The following MED27 variants were observed in gnomAD, a reference collection of about 807,000 sequenced individuals.
MED27 encodes mediator of RNA polymerase II transcription subunit 27.
A neutral mutation model predicts 38.2 loss-of-function variants in MED27; 30 were observed. That is an observed-to-expected ratio of 0.79 (90% CI 0.59 to 1.07). The LOEUF (loss-of-function observed/expected upper bound fraction) is 1.07. MED27 is among the 50% of genes least tolerant of loss of function. MED27 has a pLI of 0.00. For missense variants in MED27, 289 were observed against 397.5 expected (o/e 0.73, Z 2.32); for synonymous variants, 122 against 153.5 (o/e 0.79, Z 1.52).
At chr9:131,950,292 A>G (rs1490835103) in intron 3 of MED27, among the ~76,000 whole-genome samples, 1 of 152,230 alleles carries the variant, frequency 6.6e-6, no homozygotes, top group Non-Finnish European at 1.5e-5. Context: ...ACTGAGATGC[A>G]ACAATTCACA....
intron 3 of MED27, among the ~76,000 whole-genome samples, chr9:131,966,064 A>C (rs1029770495): frequency 2.0e-5 from 3 of 149,296 alleles, no homozygotes; most frequent in Admixed American, 6.7e-5. Flanking sequence ...GACGCCTAAG[A>C]ATAAAGACTG....
At chr9:131,947,787 A>G (rs1830912604) in intron 3 of MED27, among the ~76,000 whole-genome samples, 1 of 152,158 alleles carries the variant, frequency 6.6e-6, no homozygotes, top group Non-Finnish European at 1.5e-5. Context: ...TACCCCACAC[A>G]ATGTGTAAAA....
intron 4 of MED27, among the ~76,000 whole-genome samples, chr9:131,915,710 G>C (rs1830276639): frequency 6.6e-6 from 1 of 152,234 alleles, no homozygotes; most frequent in Admixed American, 6.5e-5. Flanking sequence ...TGGCACAGCT[G>C]TAAGCAATGC....
chr9:131,890,560 A>C (rs756709225), intron 5 of MED27, among the ~76,000 whole-genome samples: 1 of 152,030 alleles, frequency 6.6e-6, no homozygotes, highest in African/African-American at 2.4e-5. Flanking sequence ...CCCATTTCTC[A>C]TTTTTGATTC....
At chr9:131,890,083 A>G (rs1839203924) in intron 5 of MED27, among the ~76,000 whole-genome samples, 1 of 152,226 alleles carries the variant, frequency 6.6e-6, no homozygotes, top group Non-Finnish European at 1.5e-5. Flanking sequence ...ATTGTATATA[A>G]ATAAAGTACA....
intron 3 of MED27, among the ~76,000 whole-genome samples, chr9:131,966,734 G>C (rs183998667): frequency 1.1e-3 from 172 of 152,282 alleles, no homozygotes; most frequent in Middle Eastern, 6.8e-3. Context: ...TCAAGTCCTT[G>C]CTCTGGCAGG....
intron 3 of MED27, among the ~76,000 whole-genome samples, chr9:131,969,703 C>A (rs1831433839): frequency 6.6e-6 from 1 of 152,094 alleles, no homozygotes; most frequent in East Asian, 1.9e-4. Flanking sequence ...GCGCCACACA[C>A]AGAGCTCAGA....
chr9:131,971,072 G>A (rs572241180), intron 3 of MED27, among the ~76,000 whole-genome samples: 1 of 152,230 alleles, frequency 6.6e-6, no homozygotes, highest in South Asian at 2.1e-4. Flanking sequence ...CATTCCAGTA[G>A]CAACAACAAA....
chr9:131,949,759 G>C (rs944105378), intron 3 of MED27, among the ~76,000 whole-genome samples: 1 of 152,118 alleles, frequency 6.6e-6, no homozygotes, highest in African/African-American at 2.4e-5. Context: ...TGATGACTAA[G>C]GCAGTCTCTG....
chr9:131,888,141 C>T (rs747860355), intron 5 of MED27, among the ~76,000 whole-genome samples: 3 of 152,208 alleles, frequency 2.0e-5, no homozygotes, highest in Non-Finnish European at 4.4e-5. Context: ...ACCACCACCA[C>T]CTCCATCACA....
intron 3 of MED27, among the ~76,000 whole-genome samples, chr9:131,971,058 A>G (rs1184204444): frequency 6.6e-6 from 1 of 152,252 alleles, no homozygotes; most frequent in Non-Finnish European, 1.5e-5. Context: ...GATTTGCTTG[A>G]AAACATTCCA....
At chr9:131,921,726 G>A (rs1186323091) in intron 4 of MED27, among the ~76,000 whole-genome samples, 15 of 152,142 alleles carry the variant, frequency 9.9e-5, no homozygotes, top group Admixed American at 6.5e-4. Flanking sequence ...ACATGCACAC[G>A]TATGTTTACT....
intron 3 of MED27, among the ~76,000 whole-genome samples, chr9:131,956,538 C>G (rs1831105306): frequency 6.6e-6 from 1 of 151,640 alleles, no homozygotes; most frequent in South Asian, 2.1e-4. Context: ...ATTGCTTGAA[C>G]CCAGAAGGCA....
chr9:131,988,016 T>G (rs1242061781), intron 3 of MED27, among the ~76,000 whole-genome samples: 4 of 152,250 alleles, frequency 2.6e-5, no homozygotes, highest in African/African-American at 9.6e-5. Flanking sequence ...AGGACTGGTT[T>G]AGGCGATTTT....
chr9:131,938,955 C>T (rs544630531), intron 4 of MED27, among the ~76,000 whole-genome samples: 80 of 152,168 alleles, frequency 5.3e-4, no homozygotes, highest in African/African-American at 1.8e-3. Context: ...CCTCGTGATC[C>T]GCCCGCCTCA....
chr9:131,877,126 G>A (rs1589177007), intron 6 of MED27, among the ~76,000 whole-genome samples: 2 of 152,192 alleles, frequency 1.3e-5, no homozygotes, highest in South Asian at 2.1e-4. Context: ...GCAGGGCACC[G>A]AACAGGGAAT....
intron 4 of MED27, among the ~76,000 whole-genome samples, chr9:131,934,463 A>G (rs539811357): frequency 6.6e-6 from 1 of 152,338 alleles, no homozygotes; most frequent in South Asian, 2.1e-4. Flanking sequence ...ATCCAATTAA[A>G]AAATAGGCAA....
At position 131,921,937 on chromosome 9, in the gene MED27, A is replaced by G. The variant is rs1200400246; in HGVS notation, c.573+17444T>C. Among the ~76,000 whole-genome samples, 3 of 149,434 alleles carry G rather than the reference A, an allele frequency of 2.0e-5. No homozygotes were observed. The East Asian group carries it at 6.1e-4, about 30-fold the overall frequency. The stretch of plus-strand genomic sequence containing the variant: ...CTATCGCAAGGACAGAAAACCAAAC[A>G]CTGCATGTTCTCACTCATAGGTGGG... On this transcript the variant is annotated intron_variant, in intron 4 of 7. Coordinates refer to ENST00000292035, the MANE Select transcript of MED27 (RefSeq NM_004269.4).
chr9:131,893,026 G>A (rs529066515), intron 5 of MED27, among the ~76,000 whole-genome samples: 4 of 152,308 alleles, frequency 2.6e-5, no homozygotes, highest in South Asian at 2.1e-4. Flanking sequence ...CTTATGTAAC[G>A]CCCTGCTATG....
Sources: allele counts gnomAD v4.1 joint callset (sites outside exome capture counted in the v4.1 genomes callset), GRCh38; gene constraint gnomAD v4.1.1; transcripts MANE v1.5; gene names NCBI Gene and HGNC (gene_info 2026-07-23, HGNC 2026-07-21).